The following TMEM248 variants were observed in gnomAD, a reference collection of about 807,000 sequenced individuals.
TMEM248 encodes the protein UPF0458 protein C7orf42.
Under a neutral mutation model 30.3 loss-of-function variants are expected in TMEM248, and 9 were observed. That is an observed-to-expected ratio of 0.30 (90% CI 0.18 to 0.52). The LOEUF is 0.52. TMEM248 is among the 20% of genes least tolerant of loss of function. The pLI is 0.97. For synonymous variants in TMEM248, 184 were observed against 154.4 expected (o/e 1.19, Z -1.42); for missense variants, 338 against 403.3 (o/e 0.84, Z 1.39).
At chr7:66,924,680 C>T (rs1791478452) in intron 1 of TMEM248, among the ~76,000 whole-genome samples, 2 of 152,096 alleles carry the variant, frequency 1.3e-5, no homozygotes, top group African/African-American at 4.8e-5. Flanking sequence ...GCTGGGATTA[C>T]AGGCATGAGC....
chr7:66,928,823 T>C (rs1455539321), intron 1 of TMEM248, among the ~76,000 whole-genome samples: 1 of 152,182 alleles, frequency 6.6e-6, no homozygotes, highest in African/African-American at 2.4e-5. Flanking sequence ...GGTTTAACTC[T>C]GTCTCCCAGG....
intron 1 of TMEM248, among the ~76,000 whole-genome samples, chr7:66,936,359 T>C (rs928666511): frequency 1.3e-5 from 2 of 152,270 alleles, no homozygotes; most frequent in African/African-American, 4.8e-5. Context: ...TGTATCGCTT[T>C]GATTTATCTG....
chr7:66,951,710 C>T (rs779973943), intron 5 of TMEM248, among the ~76,000 whole-genome samples: 2 of 151,920 alleles, frequency 1.3e-5, no homozygotes, highest in Non-Finnish European at 2.9e-5. Context: ...CAGGATCTTG[C>T]TCTGTCGCCC....
At position 66,948,677 on chromosome 7, in the gene TMEM248, G is replaced by T. The variant is rs1792180726; in HGVS notation, c.579G>T (p.Gly193=). 6.2e-7 allele frequency: 1 copy of T among 1,611,604 alleles called. No individual in the cohort carries two copies. ...TACMTLTASP[G]VFPVTVQPPH... ...GCATGACCCTCACGGCCAGCCCTGG[G>T]GTGTTCCCCGTCACTGTGTAAGTGT... The change falls in exon 4 of 7, where the codon GGG becomes GGT. Residue 193 remains glycine, a synonymous_variant. Coordinates refer to ENST00000341567, the MANE Select transcript of TMEM248 (RefSeq NM_017994.5).
Position 66,945,253 on chromosome 7 carries a change from G to A in TMEM248, c.437G>A (p.Gly146Glu). The A allele has an allele frequency of 1.2e-6, 2 of 1,612,516 alleles. No individual in the cohort carries two copies. The highest frequency in any genetic ancestry group is 1.7e-6 in the Non-Finnish European group (2 of 1,178,648). ...LYSTILGHQI[G>E]LSGREAHEEI... ...TCAACCATCTTAGGGCATCAGATTG[G>A]ACTTTCAGGTATGCAGTAGCCACTC... The change falls in exon 3 of 7, where the codon GGA (glycine) becomes GAA (glutamate). Residue 146 changes from glycine (G) to glutamate (E), a missense_variant. Gly to Glu is a moderately conservative substitution (Grantham distance 98, BLOSUM62 -2). Coordinates refer to ENST00000341567, the MANE Select transcript of TMEM248 (RefSeq NM_017994.5).
chr7:66,936,867 C>G (rs997818831), intron 1 of TMEM248, among the ~76,000 whole-genome samples: 4 of 152,078 alleles, frequency 2.6e-5, no homozygotes, highest in African/African-American at 4.8e-5. Context: ...TCATCTGGTT[C>G]AAAACACCAA....
At chr7:66,930,050 C>T (rs1235865678) in intron 1 of TMEM248, among the ~76,000 whole-genome samples, 1 of 152,002 alleles carries the variant, frequency 6.6e-6, no homozygotes, top group Non-Finnish European at 1.5e-5. Context: ...GTCCCAGCTA[C>T]TTGGGAGGCC....
At chr7:66,955,216 T>C (rs904641060) in intron 6 of TMEM248, among the ~76,000 whole-genome samples, 3 of 152,160 alleles carry the variant, frequency 2.0e-5, no homozygotes, top group African/African-American at 7.2e-5. Context: ...TAACCTACGA[T>C]TGCACCACTG....
rs2129227392 is a variant in TMEM248 at position 66,957,909 on chromosome 7, T to G, written c.*2387T>G. The G allele has an allele frequency of 6.6e-6, 1 of 152,376 alleles. No individual in the cohort carries two copies. The highest frequency in any genetic ancestry group is 1.9e-4 in the East Asian group (1 of 5,188). 9.4% of individuals were successfully genotyped at this position (152,376 alleles called of 1,614,324 possible). A position where few individuals can be genotyped will look rare whatever the true frequency, so the allele number is the denominator to read the frequency against. ...CTAAGCAAGTAATTCTTAAAGATCTTACAGAAACGCAGAGTCAATCAGGTT... is the reference window on the plus strand; with the variant it reads ...CTAAGCAAGTAATTCTTAAAGATCTGACAGAAACGCAGAGTCAATCAGGTT... On this transcript the variant is annotated 3_prime_UTR_variant, in exon 7 of 7. Transcript: ENST00000341567.
At chr7:66,934,633 T>G (rs1387599238) in intron 1 of TMEM248, among the ~76,000 whole-genome samples, 1 of 152,352 alleles carries the variant, frequency 6.6e-6, no homozygotes, top group East Asian at 1.9e-4. Flanking sequence ...TCTGGTGTGA[T>G]GTGCTTTTAA....
intron 3 of TMEM248, among the ~76,000 whole-genome samples, chr7:66,947,790 G>GTCTTGA (rs1181236827): frequency 6.6e-6 from 1 of 150,974 alleles, no homozygotes; most frequent in African/African-American, 2.4e-5. Context: ...TTGAGACTGG[G>GTCTTGA]TCTTGATCTG....
intron 5 of TMEM248, among the ~76,000 whole-genome samples, chr7:66,952,626 TG>T (rs1462551396): frequency 6.6e-6 from 1 of 152,228 alleles, no homozygotes; most frequent in East Asian, 1.9e-4. Flanking sequence ...GAACCATGTC[TG>T]GGGTCCCTTT....
At chr7:66,944,386 C>T (rs775405065) in intron 2 of TMEM248, among the ~76,000 whole-genome samples, 1 of 151,636 alleles carries the variant, frequency 6.6e-6, no homozygotes, top group Non-Finnish European at 1.5e-5. Flanking sequence ...ATTACAGGTG[C>T]GAGCCACCGT....
In TMEM248 at chr7:66,948,590, A is replaced by G. The variant is rs1427159898; in HGVS notation, c.492A>G (p.Thr164=). Residue 164 remains threonine, a synonymous_variant, in exon 4 of 7, where the codon ACA becomes ACG. Coordinates refer to ENST00000341567, the MANE Select transcript of TMEM248 (RefSeq NM_017994.5). ...TAAACATCACCTTCACCCTGCCTAC[A>G]GCGTGGAGCTCAGATGACTGCGCCC... ...EEINITFTLP[T]AWSSDDCALH... is the part of the protein sequence containing the mutation. 1.9e-6 allele frequency: 3 copies of G among 1,614,148 alleles called. 1 individual carries two copies. The South Asian group carries it at 3.3e-5, about 18-fold the overall frequency.
At chr7:66,928,097 C>T (rs773930360) in intron 1 of TMEM248, among the ~76,000 whole-genome samples, 3 of 151,922 alleles carry the variant, frequency 2.0e-5, no homozygotes, top group African/African-American at 7.3e-5. Context: ...CGCCTGTAAT[C>T]CCATTTAGTC....
intron 6 of TMEM248, among the ~76,000 whole-genome samples, chr7:66,954,177 C>G (rs1056102222): frequency 2.6e-5 from 4 of 151,698 alleles, no homozygotes; most frequent in Admixed American, 2.0e-4. Flanking sequence ...CTGCTGTTAT[C>G]AAGTGATCCA....
intron 1 of TMEM248, among the ~76,000 whole-genome samples, chr7:66,926,639 C>CAA (rs200106499): frequency 0.22 from 18,839 of 86,392 alleles, 1,302 homozygotes; most frequent in Middle Eastern, 0.27. Flanking sequence ...CCATCTGAAA[C>CAA]AAAAAAAAAA....
At chr7:66,944,505 G>A (rs1303980857) in intron 2 of TMEM248, among the ~76,000 whole-genome samples, 1 of 152,192 alleles carries the variant, frequency 6.6e-6, no homozygotes, top group Non-Finnish European at 1.5e-5. Flanking sequence ...GCTGTTTTGT[G>A]TTCTAGAGAA....
At chr7:66,944,286 G>A (rs1230665127) in intron 2 of TMEM248, among the ~76,000 whole-genome samples, 1 of 151,128 alleles carries the variant, frequency 6.6e-6, no homozygotes, top group Non-Finnish European at 1.5e-5. Flanking sequence ...TGTATTTTTA[G>A]TAGAGACGTG....
Sources: gnomAD v4.1 joint callset for allele counts (sites outside exome capture counted in the v4.1 genomes callset) on GRCh38, gnomAD v4.1.1 for gene constraint, MANE v1.5 for transcripts, NCBI Gene and HGNC (gene_info 2026-07-23, HGNC 2026-07-21) for gene names.